Variants in TMEM182 observed in about 807,000 individuals in gnomAD.
TMEM182 encodes the protein transmembrane protein 182.
TMEM182 carries 20 observed loss-of-function variants against 26.8 expected under a neutral mutation model. That is an observed-to-expected ratio of 0.75 (90% CI 0.53 to 1.09). The LOEUF (loss-of-function observed/expected upper bound fraction) is 1.09. TMEM182 is among the 50% of genes least tolerant of loss of function. The pLI is 0.00. For synonymous variants in TMEM182, 109 were observed against 102.2 expected, an observed-to-expected ratio of 1.07 and a Z score of -0.40; for missense variants, 277 against 275.5, an observed-to-expected ratio of 1.01 and a Z score of -0.04.
chr2:102,774,486 C>G (rs527797155), intron 3 of TMEM182, among the ~76,000 whole-genome samples: 1 of 151,180 alleles, frequency 6.6e-6, no homozygotes, highest in Non-Finnish European at 1.5e-5. Flanking sequence ...AGGATGGTCT[C>G]GATCTTCTGA....
intron 1 of TMEM182, among the ~76,000 whole-genome samples, chr2:102,737,182 C>G (rs1679377687): frequency 6.6e-6 from 1 of 152,108 alleles, no homozygotes; most frequent in African/African-American, 2.4e-5. Flanking sequence ...ATCCACAGAC[C>G]CTGGCCACCA....
At chr2:102,804,666 C>T (rs1682280445) in intron 4 of TMEM182, among the ~76,000 whole-genome samples, 1 of 152,066 alleles carries the variant, frequency 6.6e-6, no homozygotes, top group Admixed American at 6.5e-5. Flanking sequence ...CATAGCTTCC[C>T]AATAGGAAAC....
intron 3 of TMEM182, among the ~76,000 whole-genome samples, chr2:102,768,512 C>G (rs1375621615): frequency 6.8e-6 from 1 of 147,108 alleles, no homozygotes; most frequent in Non-Finnish European, 1.5e-5. Flanking sequence ...ATGGTGAAAT[C>G]CTATCTGTAC....
At chr2:102,798,523 A>G (rs113213399) in intron 4 of TMEM182, among the ~76,000 whole-genome samples, 2 of 152,310 alleles carry the variant, frequency 1.3e-5, no homozygotes, top group African/African-American at 4.8e-5. Flanking sequence ...ATTTTTCTAC[A>G]TCACTCCCAT....
chr2:102,826,690 A>T (rs1683037276), intron 3 of TMEM182, among the ~76,000 whole-genome samples: 1 of 152,114 alleles, frequency 6.6e-6, no homozygotes, highest in African/African-American at 2.4e-5. Flanking sequence ...TTCAGCACTA[A>T]TTATATTTTC....
At position 102,813,179 on chromosome 2, in the gene TMEM182, T is replaced by G. The variant is rs141219189; in HGVS notation, c.470-1569T>G. 6.5e-3 allele frequency among the ~76,000 whole-genome samples: 988 copies of G among 152,364 alleles called. 23 individuals carry two copies. Among genetic ancestry groups the G allele is most frequent in the Admixed American group, 0.047 (717 of 15,308 alleles). ...CTTGTGTCATGATTACAAGGAAGTT[T>G]AAACTCCGATACTGACACACCACAA... On this transcript the variant is annotated intron_variant, in intron 4 of 4. Coordinates refer to ENST00000412401, the MANE Select transcript of TMEM182 (RefSeq NM_144632.5).
intron 3 of TMEM182, among the ~76,000 whole-genome samples, chr2:102,840,890 A>G (rs1172738676): frequency 6.6e-6 from 1 of 152,202 alleles, no homozygotes; most frequent in Non-Finnish European, 1.5e-5. Flanking sequence ...TTAAAAATAC[A>G]TTACATAAAT....
chr2:102,812,107 T>C (rs1272948814), intron 4 of TMEM182, among the ~76,000 whole-genome samples: 1 of 152,190 alleles, frequency 6.6e-6, no homozygotes, highest in African/African-American at 2.4e-5. Flanking sequence ...ATATATCCAA[T>C]TCTAATCAAA....
At chr2:102,742,993 A>T (rs1455735616) in intron 1 of TMEM182, among the ~76,000 whole-genome samples, 4 of 152,344 alleles carry the variant, frequency 2.6e-5, no homozygotes, top group African/African-American at 9.6e-5. Context: ...ACAGTGTCAG[A>T]AAAGGAATCC....
At chr2:102,769,283 AG>A (rs1435875146) in intron 3 of TMEM182, among the ~76,000 whole-genome samples, 1 of 152,224 alleles carries the variant, frequency 6.6e-6, no homozygotes, top group African/African-American at 2.4e-5. Context: ...AAGGTGGGAC[AG>A]TAAAAATGAA....
At position 102,764,367 on chromosome 2, in the gene TMEM182, C is replaced by T. The variant is rs1203137834; in HGVS notation, c.271C>T (p.Leu91=). Residue 91 remains leucine, a synonymous_variant, in exon 3 of 5, where the codon CTG becomes TTG. Coordinates refer to ENST00000412401, the MANE Select transcript of TMEM182 (RefSeq NM_144632.5). ...GTCCAAGAACTGCACACATGCTTAC[C>T]TGTCTCCGTACCCCTTCATGAGAGG... ...PPSKNCTHAY[L]SPYPFMRGEH... 6.2e-7 allele frequency: 1 copy of T among 1,613,876 alleles called. No individual in the cohort carries two copies. Among genetic ancestry groups the T allele is most frequent in the African/African-American group, 1.3e-5 (1 of 74,908 alleles).
intron 1 of TMEM182, among the ~76,000 whole-genome samples, chr2:102,752,666 T>G (rs1459596518): frequency 2.6e-5 from 4 of 152,222 alleles, no homozygotes; most frequent in Admixed American, 6.5e-5. Context: ...TGTCTTTCCT[T>G]TGGGCCATAT....
At chr2:102,750,804 C>T (rs576737157) in intron 1 of TMEM182, among the ~76,000 whole-genome samples, 1 of 152,080 alleles carries the variant, frequency 6.6e-6, no homozygotes, top group East Asian at 1.9e-4. Flanking sequence ...TTTTACCCAC[C>T]CACTGTGTTC....
At position 102,816,740 on chromosome 2, in the gene TMEM182, A is replaced by G. The variant is rs993482048; in HGVS notation, c.*1772A>G. ...GTTGACTGTGATATTAAGTTATGGC[A>G]TGCCATTAAGTTTTCCAGACGATGT... On this transcript the variant is annotated 3_prime_UTR_variant, in exon 5 of 5. Coordinates refer to ENST00000412401, the MANE Select transcript of TMEM182 (RefSeq NM_144632.5). The G allele has an allele frequency of 1.0e-6, 1 of 985,824 alleles. No individual in the cohort carries two copies. The highest frequency in any genetic ancestry group is 1.2e-6 in the Non-Finnish European group (1 of 829,926). The allele number at this position is 985,824 out of a possible 1,614,324, so 61.1% of individuals were successfully genotyped here.
chr2:102,821,368 G>A (rs1682911845), downstream of TMEM182, among the ~76,000 whole-genome samples: 1 of 152,094 alleles, frequency 6.6e-6, no homozygotes, highest in African/African-American at 2.4e-5. Flanking sequence ...TCATGGCTTG[G>A]TGCTATCCTT....
At chr2:102,830,235 A>G (rs988035234) in intron 3 of TMEM182, among the ~76,000 whole-genome samples, 2 of 152,236 alleles carry the variant, frequency 1.3e-5, no homozygotes, top group African/African-American at 4.8e-5. Flanking sequence ...TTAATGAACA[A>G]TCAAGTTTTG....
intron 3 of TMEM182, among the ~76,000 whole-genome samples, chr2:102,786,041 A>ATTT (rs35677242): frequency 7.4e-6 from 1 of 135,800 alleles, no homozygotes; most frequent in Non-Finnish European, 1.6e-5. Context: ...GTGTAGATTG[A>ATTT]TTTTTTTTTT....
chr2:102,822,403 C>T (rs185149399), downstream of TMEM182, among the ~76,000 whole-genome samples: 396 of 152,132 alleles, frequency 2.6e-3, no homozygotes, highest in Non-Finnish European at 3.5e-3. Flanking sequence ...TTTCGAGAAG[C>T]GACTGAGTTT....
chr2:102,758,950 G>A (rs1301869858), upstream of TMEM182, among the ~76,000 whole-genome samples: 4 of 152,114 alleles, frequency 2.6e-5, no homozygotes, highest in South Asian at 2.1e-4. Context: ...GCATTTATCC[G>A]GGCTCTTCCC....
Sources: gnomAD v4.1 joint callset for allele counts (sites outside exome capture counted in the v4.1 genomes callset) on GRCh38, gnomAD v4.1.1 for gene constraint, MANE v1.5 for transcripts, NCBI Gene and HGNC (gene_info 2026-07-23, HGNC 2026-07-21) for gene names.